Variants in XIRP2 observed in about 807,000 individuals in gnomAD.
XIRP2 encodes xin actin binding repeat containing 2, also known as xin actin-binding repeat-containing protein 2.
Under a neutral mutation model 277.0 loss-of-function variants are expected in XIRP2, and 236 were observed. The ratio of observed to expected loss-of-function variants is 0.85; its 90% confidence interval spans 0.77 to 0.95. XIRP2 has a LOEUF of 0.95. XIRP2 is among the 40% of genes least tolerant of loss of function. The pLI, the probability that XIRP2 is intolerant of heterozygous loss-of-function variation, is 0.00. For missense variants in XIRP2, 4,640 were observed against 4,157.5 expected, an observed-to-expected ratio of 1.12 and a Z score of -3.19; for synonymous variants, 1,490 against 1,416.5, an observed-to-expected ratio of 1.05 and a Z score of -1.17.
intron 2 of XIRP2, among the ~76,000 whole-genome samples, chr2:167,104,766 C>CA (rs1348044558): frequency 1.3e-5 from 2 of 151,894 alleles, no homozygotes; most frequent in Non-Finnish European, 2.9e-5. Flanking sequence ...ATGTATGAAC[C>CA]AAATCAGTTG....
In XIRP2 at chr2:167,245,276, G is replaced by A. The variant is rs1006242753; in HGVS notation, c.3884G>A (p.Ser1295Asn). ...DEIKEESDYI[S>N]TKKTITEEVI... is the part of the protein sequence containing the mutation. ...ATTAAAGAAGAATCTGACTATATCA[G>A]CACCAAGAAAACAATTACTGAAGAA... The change falls in exon 9 of 11, where the codon AGC becomes AAC. Residue 1295 changes from serine (S) to asparagine (N), a missense_variant. Transcript: ENST00000409195. 6.2e-7 allele frequency: 1 copy of A among 1,613,378 alleles called. No homozygotes were observed. Among genetic ancestry groups the A allele is most frequent in the Non-Finnish European group, 8.5e-7 (1 of 1,179,656 alleles).
intron 2 of XIRP2, among the ~76,000 whole-genome samples, chr2:166,912,592 CCTT>C (rs1368345010): frequency 1.3e-5 from 2 of 152,170 alleles, no homozygotes; most frequent in Non-Finnish European, 2.9e-5. Context: ...TCGTCTGAAG[CCTT>C]CTTCTCTCAA....
chr2:167,010,447 G>A (rs1193857124), intron 2 of XIRP2, among the ~76,000 whole-genome samples: 1 of 151,954 alleles, frequency 6.6e-6, no homozygotes, highest in Non-Finnish European at 1.5e-5. Context: ...TTTGGTACCA[G>A]TACCATGCTG....
At chr2:166,960,832 C>A (rs2105407072) in intron 2 of XIRP2, among the ~76,000 whole-genome samples, 1 of 151,798 alleles carries the variant, frequency 6.6e-6, no homozygotes, top group South Asian at 2.1e-4. Context: ...TTATTCCAGG[C>A]CTCCTACTTT....
intron 4 of XIRP2, among the ~76,000 whole-genome samples, chr2:167,214,066 A>T (rs2105393887): frequency 6.8e-6 from 1 of 146,074 alleles, no homozygotes; most frequent in African/African-American, 2.6e-5. Context: ...TAAAATACAA[A>T]ATAGAAAGGA....
intron 2 of XIRP2, among the ~76,000 whole-genome samples, chr2:166,994,688 CAA>C (rs572251724): frequency 8.4e-5 from 9 of 107,468 alleles, no homozygotes; most frequent in African/African-American, 7.5e-5. Context: ...CTCAGTCTAT[CAA>C]AAAAAAAAAA....
chr2:166,944,811 A>T (rs1478819886), intron 2 of XIRP2, among the ~76,000 whole-genome samples: 1 of 152,166 alleles, frequency 6.6e-6, no homozygotes, highest in East Asian at 1.9e-4. Context: ...CAAACCATAA[A>T]GACATTAAGT....
intron 2 of XIRP2, among the ~76,000 whole-genome samples, chr2:167,038,031 A>C (rs116379398): frequency 0.03 from 4,495 of 152,212 alleles, 161 homozygotes; most frequent in African/African-American, 0.078. Flanking sequence ...CATTAGGAAA[A>C]AACAATTTGC....
At chr2:166,983,300 C>T (rs1686921703) in intron 2 of XIRP2, among the ~76,000 whole-genome samples, 1 of 151,916 alleles carries the variant, frequency 6.6e-6, no homozygotes, top group Non-Finnish European at 1.5e-5. Context: ...CAAAAATTTA[C>T]ATGTGATTGT....
chr2:167,116,383 G>T (rs1023166579), intron 2 of XIRP2, among the ~76,000 whole-genome samples: 4 of 152,062 alleles, frequency 2.6e-5, no homozygotes, highest in African/African-American at 9.7e-5. Flanking sequence ...TTTATAATTG[G>T]CAATGTTCCT....
chr2:167,240,057 C>T (rs1189107433), intron 6 of XIRP2, 92 bp downstream of exon 6: 1 of 1,096,914 alleles, frequency 9.1e-7, no homozygotes, highest in Non-Finnish European at 1.3e-6. Flanking sequence ...TATTGTCACT[C>T]ATGTATCTAG....
chr2:166,895,547 A>G (rs886319949), intron 1 of XIRP2, among the ~76,000 whole-genome samples: 1 of 152,192 alleles, frequency 6.6e-6, no homozygotes, highest in Non-Finnish European at 1.5e-5. Flanking sequence ...GCTTTCCTCA[A>G]TTAGAAAGAA....
chr2:166,950,084 G>T (rs1685987787), intron 2 of XIRP2, among the ~76,000 whole-genome samples: 1 of 152,040 alleles, frequency 6.6e-6, no homozygotes, highest in African/African-American at 2.4e-5. Context: ...ATTACATACA[G>T]ATAGTTTTAT....
chr2:166,965,284 G>A (rs750992444), intron 2 of XIRP2, among the ~76,000 whole-genome samples: 7 of 151,816 alleles, frequency 4.6e-5, no homozygotes, highest in Non-Finnish European at 8.8e-5. Flanking sequence ...ACATTATTCA[G>A]GGCTGGATTT....
At chr2:166,924,904 C>A (rs1364115799) in intron 2 of XIRP2, among the ~76,000 whole-genome samples, 1 of 152,058 alleles carries the variant, frequency 6.6e-6, no homozygotes, top group East Asian at 1.9e-4. Context: ...ATTTCTTTAA[C>A]GCAAAAGCAA....
chr2:167,204,200 G>T lies in XIRP2; in HGVS notation c.563-6535G>T, dbSNP rs182228021. Among the ~76,000 whole-genome samples the T allele has an allele frequency of 1.3e-3, 195 of 152,022 alleles. 2 individuals carry two copies. The highest frequency in any genetic ancestry group is 4.6e-3 in the African/African-American group (189 of 41,484). ...TTTCAAAGAAAAAATAATAAATTCTGGTTTCTCTGCTCAACAGTTTAAATT... is the reference window on the plus strand; with the variant it reads ...TTTCAAAGAAAAAATAATAAATTCTTGTTTCTCTGCTCAACAGTTTAAATT... On this transcript the variant is annotated intron_variant, in intron 3 of 10. Transcript: ENST00000409195.
chr2:167,190,162 C>T lies in XIRP2; in HGVS notation c.563-20573C>T, dbSNP rs145661495. Among the ~76,000 whole-genome samples the T allele has an allele frequency of 3.9e-3, 595 of 152,252 alleles. 6 individuals carry two copies. Among genetic ancestry groups the T allele is most frequent in the African/African-American group, 0.014 (569 of 41,544 alleles). ...TATCCCCAGCACTTGGATGTGTTCA[C>T]CAGTCTGGCAGCTCACCAAACCCTG... On this transcript the variant is annotated intron_variant, in intron 3 of 10. Transcript: ENST00000409195.
chr2:167,210,602 T>C (rs1278246518), intron 3 of XIRP2, 133 bp from the exon 4 acceptor site: 5 of 1,212,238 alleles, frequency 4.1e-6, no homozygotes, highest in African/African-American at 3.0e-5. Context: ...CCATGAGACA[T>C]TGAAAATATT....
In XIRP2 at chr2:167,029,608, C is replaced by T. The variant is rs1688273530; in HGVS notation, c.409-106301C>T. Among the ~76,000 whole-genome samples, 3 of 152,016 alleles carry T rather than the reference C, an allele frequency of 2.0e-5. No individual in the cohort carries two copies. In the South Asian group the frequency reaches 6.2e-4, roughly 31 times the overall value. On this transcript the variant is annotated intron_variant, in intron 2 of 10. Transcript: ENST00000409195. ...TGGTGTGCTGCTGGAATCAGTTTGC[C>T]AGTATTTTATTGAGAATTTTTGCAT...
Sources: gnomAD v4.1 joint callset for allele counts (sites outside exome capture counted in the v4.1 genomes callset) on GRCh38, gnomAD v4.1.1 for gene constraint, MANE v1.5 for transcripts, NCBI Gene and HGNC (gene_info 2026-07-23, HGNC 2026-07-21) for gene names.